The following MYO3B variants were observed in gnomAD, a reference collection of about 807,000 sequenced individuals.
The protein encoded by MYO3B is myosin IIIB.
Under a neutral mutation model 174.6 loss-of-function variants are expected in MYO3B, and 156 were observed. The observed-to-expected ratio is 0.89, with a 90% confidence interval of 0.78 to 1.02. MYO3B has a LOEUF of 1.02. Among genes scored for constraint, MYO3B ranks in the 50% least tolerant of loss-of-function variants. MYO3B has a pLI of 0.00. For missense variants in MYO3B, 1,632 were observed against 1,639.4 expected (o/e 1.00, Z 0.08); for synonymous variants, 563 against 569.1 (o/e 0.99, Z 0.15).
At chr2:170,227,149 C>A (rs1055026416) in intron 6 of MYO3B, among the ~76,000 whole-genome samples, 1 of 152,144 alleles carries the variant, frequency 6.6e-6, no homozygotes, top group African/African-American at 2.4e-5. Flanking sequence ...ACCATGAGAG[C>A]AAATGGGGGA....
At chr2:170,596,875 G>A (rs2106334319) in intron 32 of MYO3B, among the ~76,000 whole-genome samples, 1 of 152,350 alleles carries the variant, frequency 6.6e-6, no homozygotes, top group African/African-American at 2.4e-5. Context: ...TCTTTGAGCA[G>A]CCTAGCCCCT....
At chr2:170,358,117 A>G (rs78901107) in intron 8 of MYO3B, among the ~76,000 whole-genome samples, 8 of 151,562 alleles carry the variant, frequency 5.3e-5, no homozygotes, top group African/African-American at 1.9e-4. Context: ...GCACCATTGC[A>G]CTCCAGCCTG....
chr2:170,552,542 A>G (rs566818610), intron 32 of MYO3B, among the ~76,000 whole-genome samples: 2 of 152,338 alleles, frequency 1.3e-5, no homozygotes, highest in Non-Finnish European at 2.9e-5. Context: ...GCTGCTTCCA[A>G]AAGTCTACAC....
intron 32 of MYO3B, among the ~76,000 whole-genome samples, chr2:170,613,834 C>T (rs1302105920): frequency 3.3e-5 from 5 of 152,176 alleles, no homozygotes; most frequent in East Asian, 1.9e-4. Flanking sequence ...TTCCTGTCCT[C>T]GAACGTGGGA....
At chr2:170,616,030 A>G (rs1440911591) in intron 32 of MYO3B, among the ~76,000 whole-genome samples, 1 of 152,242 alleles carries the variant, frequency 6.6e-6, no homozygotes, top group Non-Finnish European at 1.5e-5. Context: ...GTAATTTCTA[A>G]CAGAGCCTTA....
At chr2:170,282,849 T>C (rs1396415617) in intron 7 of MYO3B, among the ~76,000 whole-genome samples, 1 of 152,128 alleles carries the variant, frequency 6.6e-6, no homozygotes, top group Non-Finnish European at 1.5e-5. Context: ...CTATCGGTGA[T>C]AGCCACCTCA....
chr2:170,471,524 T>G (rs2105981922), intron 25 of MYO3B, among the ~76,000 whole-genome samples: 1 of 152,342 alleles, frequency 6.6e-6, no homozygotes, highest in South Asian at 2.1e-4. Flanking sequence ...AGTTTTGTAG[T>G]TTTACCTCTT....
At chr2:170,553,855 T>A (rs1296627135) in intron 32 of MYO3B, among the ~76,000 whole-genome samples, 1 of 152,186 alleles carries the variant, frequency 6.6e-6, no homozygotes, top group Non-Finnish European at 1.5e-5. Context: ...GCTGTTCTCA[T>A]GATAGTGAGT....
rs915771943 is a variant in MYO3B, at chr2:170,294,714, A to G, written c.750-40671A>G. On this transcript the variant is annotated intron_variant, in intron 7 of 34. Coordinates refer to ENST00000408978, the MANE Select transcript of MYO3B (RefSeq NM_138995.5). ...ACCCTGTATGATACTATAGTGGTAA[A>G]TATATGTCATTATAAATTTGTCTAA... is the stretch of plus-strand genomic sequence containing the variant. Among the ~76,000 whole-genome samples the G allele has an allele frequency of 5.9e-5, 9 of 152,244 alleles. No homozygotes were observed. In the South Asian group the frequency reaches 8.3e-4, roughly 14 times the overall value.
At chr2:170,357,400 A>T (rs1485220243) in intron 8 of MYO3B, among the ~76,000 whole-genome samples, 1 of 144,868 alleles carries the variant, frequency 6.9e-6, no homozygotes, top group Non-Finnish European at 1.5e-5. Flanking sequence ...TATTTTATAT[A>T]TATGTATATA....
At position 170,529,500 on chromosome 2, in the gene MYO3B, C is replaced by T. The variant is rs563175483; in HGVS notation, c.3575+9960C>T. On this transcript the variant is annotated intron_variant, in intron 30 of 34. Coordinates refer to ENST00000408978, the MANE Select transcript of MYO3B (RefSeq NM_138995.5). ...TCTCTCCTTATACTATTTATATCTACGTCTCTAAAGTTCTGGTTTCTGATC... is the reference window on the plus strand; with the variant it reads ...TCTCTCCTTATACTATTTATATCTATGTCTCTAAAGTTCTGGTTTCTGATC... 1.6e-4 allele frequency among the ~76,000 whole-genome samples: 25 copies of T among 151,552 alleles called. No individual in the cohort carries two copies. In the East Asian group the frequency reaches 3.9e-3, roughly 24 times the overall value.
rs564602177 is a variant in MYO3B at position 170,302,138 on chromosome 2, G to C, written c.750-33247G>C. The stretch of plus-strand genomic sequence containing the variant: ...TTAAAAACCATAATGCTGCCATAGA[G>C]AATGAGGTCTGCATGACTTCTGATT... On this transcript the variant is annotated intron_variant, in intron 7 of 34. Transcript: ENST00000408978. Among the ~76,000 whole-genome samples, 147 of 152,142 alleles carry C rather than the reference G, an allele frequency of 9.7e-4. 1 individual carries two copies. Among genetic ancestry groups the C allele is most frequent in the Non-Finnish European group, 1.6e-3 (111 of 67,988 alleles).
intron 32 of MYO3B, among the ~76,000 whole-genome samples, chr2:170,551,423 T>C (rs1476747593): frequency 6.8e-6 from 1 of 147,322 alleles, no homozygotes; most frequent in Non-Finnish European, 1.5e-5. Context: ...CAGGCTGGAG[T>C]GCAGTGGTGT....
At chr2:170,484,893 G>A (rs989045255) in intron 25 of MYO3B, among the ~76,000 whole-genome samples, 15 of 152,068 alleles carry the variant, frequency 9.9e-5, no homozygotes, top group African/African-American at 3.4e-4. Flanking sequence ...GGCAATTGGG[G>A]GTAATTATCA....
chr2:170,339,070 G>C (rs1426554795), intron 8 of MYO3B, among the ~76,000 whole-genome samples: 2 of 152,198 alleles, frequency 1.3e-5, no homozygotes, highest in African/African-American at 4.8e-5. Flanking sequence ...TTTAAAGAGA[G>C]AGCCTTAGTT....
In MYO3B at chr2:170,373,513, A is replaced by C. The variant is rs573062127; in HGVS notation, c.971+4136A>C. The stretch of plus-strand genomic sequence containing the variant: ...TGCAAAGGTAAGGAACGTTCAGTCC[A>C]CTTTAGTACTTTTCCCAGGGGAGAG... On this transcript the variant is annotated intron_variant, in intron 9 of 34. Coordinates refer to ENST00000408978, the MANE Select transcript of MYO3B (RefSeq NM_138995.5). Among the ~76,000 whole-genome samples, 8 of 152,352 alleles carry C rather than the reference A, an allele frequency of 5.3e-5. No individual in the cohort carries two copies. In the South Asian group the frequency reaches 1.2e-3, roughly 24 times the overall value.
chr2:170,563,028 GCATACACA>G (rs1008177287), intron 32 of MYO3B, among the ~76,000 whole-genome samples: 6 of 53,132 alleles, frequency 1.1e-4, no homozygotes, highest in African/African-American at 3.9e-4. Context: ...TGTAAAACAT[GCATACACA>G]CACACACACA....
chr2:170,474,780 A>AAAAAAAAAAAAAAAAAAAC (rs1685219046), intron 25 of MYO3B, among the ~76,000 whole-genome samples: 1 of 135,980 alleles, frequency 7.4e-6, no homozygotes, highest in Non-Finnish European at 1.6e-5. Context: ...AAAAAAAAAA[A>AAAAAAAAAAAAAAAAAAAC]AAAAGATAGG....
At chr2:170,381,276 G>T (rs574967803) in intron 9 of MYO3B, among the ~76,000 whole-genome samples, 5 of 152,170 alleles carry the variant, frequency 3.3e-5, no homozygotes, top group Non-Finnish European at 7.3e-5. Flanking sequence ...TAGATAGGTA[G>T]ATAGATAGAT....
Sources: gnomAD v4.1 joint callset for allele counts (sites outside exome capture counted in the v4.1 genomes callset) on GRCh38, gnomAD v4.1.1 for gene constraint, MANE v1.5 for transcripts, NCBI Gene and HGNC (gene_info 2026-07-23, HGNC 2026-07-21) for gene names.